DENND1A: variants seen among roughly 807,000 people sequenced by gnomAD.
The protein encoded by DENND1A is DENN domain containing 1A.
DENND1A carries 51 observed loss-of-function variants against 113.7 expected under a neutral mutation model. The observed-to-expected ratio is 0.45, with a 90% CI of 0.36 to 0.57. The LOEUF is 0.57. Ranked by LOEUF, DENND1A falls within the 20% of genes least tolerant of loss-of-function variation. The probability of loss-of-function intolerance (pLI) is 0.00; values close to 1 mark genes in which losing one functional copy is unlikely to be tolerated. For missense variants in DENND1A, 1,258 were observed against 1,395.9 expected, an observed-to-expected ratio of 0.90 and a Z score of 1.57; for synonymous variants, 565 against 570.8, an observed-to-expected ratio of 0.99 and a Z score of 0.14.
intron 19 of DENND1A, among the ~76,000 whole-genome samples, chr9:123,433,248 T>C (rs1033929844): frequency 1.3e-5 from 2 of 152,218 alleles, no homozygotes; most frequent in African/African-American, 2.4e-5. Context: ...CACCAGCTAG[T>C]GAGTGGCACA....
At chr9:123,856,718 C>G (rs1280489500) in intron 2 of DENND1A, among the ~76,000 whole-genome samples, 1 of 151,940 alleles carries the variant, frequency 6.6e-6, no homozygotes, top group Non-Finnish European at 1.5e-5. Flanking sequence ...TGTCAAAGAC[C>G]AAGGTGGATG....
chr9:123,848,922 G>C (rs1273206071), intron 2 of DENND1A, among the ~76,000 whole-genome samples: 2 of 152,182 alleles, frequency 1.3e-5, no homozygotes, highest in African/African-American at 4.8e-5. Context: ...TCAATTCTAT[G>C]AAGGCTGAGA....
intron 2 of DENND1A, among the ~76,000 whole-genome samples, chr9:123,810,549 C>CAAAAAAA (rs1159557273): frequency 5.0e-4 from 23 of 46,314 alleles, no homozygotes; most frequent in Non-Finnish European, 7.7e-4. Flanking sequence ...CATGTCTCTA[C>CAAAAAAA]AAAAAAAAAA....
intron 13 of DENND1A, among the ~76,000 whole-genome samples, chr9:123,505,912 G>A (rs1564617065): frequency 6.6e-6 from 1 of 152,022 alleles, no homozygotes; most frequent in Non-Finnish European, 1.5e-5. Context: ...TTAGACAAGT[G>A]CCCTGTGATC....
chr9:123,804,706 A>G (rs1450136149), intron 2 of DENND1A, among the ~76,000 whole-genome samples: 1 of 152,190 alleles, frequency 6.6e-6, no homozygotes, highest in Non-Finnish European at 1.5e-5. Flanking sequence ...CCCAGAGCCA[A>G]TGTATCAGCC....
At chr9:123,568,532 C>T (rs1422975837) in intron 12 of DENND1A, among the ~76,000 whole-genome samples, 1 of 152,186 alleles carries the variant, frequency 6.6e-6, no homozygotes, top group Non-Finnish European at 1.5e-5. Flanking sequence ...TCTAGGGCAT[C>T]AATTACTGAA....
intron 1 of DENND1A, among the ~76,000 whole-genome samples, chr9:123,912,095 T>C (rs138926648): frequency 6.6e-6 from 1 of 152,298 alleles, no homozygotes; most frequent in East Asian, 1.9e-4. Context: ...TACACGAGTA[T>C]ATAACCATTA....
At chr9:123,509,705 C>T (rs1361060286) in intron 13 of DENND1A, among the ~76,000 whole-genome samples, 1 of 152,218 alleles carries the variant, frequency 6.6e-6, no homozygotes, top group Non-Finnish European at 1.5e-5. Context: ...GACTTTCCTC[C>T]TGAACTGCAA....
At chr9:123,467,518 A>G (rs1314867853) in intron 13 of DENND1A, among the ~76,000 whole-genome samples, 1 of 152,024 alleles carries the variant, frequency 6.6e-6, no homozygotes, top group African/African-American at 2.4e-5. Context: ...AGCCAGGCAT[A>G]TTGGCGGGCG....
intron 19 of DENND1A, among the ~76,000 whole-genome samples, chr9:123,431,669 C>A (rs1205202179): frequency 6.6e-6 from 1 of 152,232 alleles, no homozygotes; most frequent in Admixed American, 6.5e-5. Flanking sequence ...TACAGGTTGG[C>A]TGGAGGGATT....
At chr9:123,729,368 G>T (rs572063175) in intron 5 of DENND1A, among the ~76,000 whole-genome samples, 1 of 152,122 alleles carries the variant, frequency 6.6e-6, no homozygotes, top group Admixed American at 6.5e-5. Context: ...AAATCACATC[G>T]TCTCAGCTCA....
intron 9 of DENND1A, among the ~76,000 whole-genome samples, chr9:123,640,612 T>C (rs2061978323): frequency 6.6e-6 from 1 of 152,254 alleles, no homozygotes; most frequent in Non-Finnish European, 1.5e-5. Flanking sequence ...TCCTTGTTTC[T>C]GAGAGTCAAA....
At chr9:123,702,908 C>T (rs2065965469) in intron 5 of DENND1A, among the ~76,000 whole-genome samples, 1 of 152,166 alleles carries the variant, frequency 6.6e-6, no homozygotes, top group African/African-American at 2.4e-5. Context: ...ACTCTAATGC[C>T]ATAATGGTGG....
intron 3 of DENND1A, among the ~76,000 whole-genome samples, chr9:123,784,903 A>C (rs1291040997): frequency 6.6e-6 from 1 of 152,180 alleles, no homozygotes; most frequent in Non-Finnish European, 1.5e-5. Context: ...AAAATGTCTC[A>C]ATTTTTCAAT....
chr9:123,737,579 A>C (rs1240735274), intron 5 of DENND1A, among the ~76,000 whole-genome samples: 1 of 152,206 alleles, frequency 6.6e-6, no homozygotes, highest in African/African-American at 2.4e-5. Context: ...GAAAAAACGT[A>C]GCAGAAGCTA....
At chr9:123,706,952 A>G (rs2066256583) in intron 5 of DENND1A, among the ~76,000 whole-genome samples, 1 of 152,170 alleles carries the variant, frequency 6.6e-6, no homozygotes, top group Admixed American at 6.5e-5. Flanking sequence ...AAAAATGCCT[A>G]TCAGATAGCC....
chr9:123,860,884 G>A lies in DENND1A; in HGVS notation c.88+18067C>T, dbSNP rs146008466. Among the ~76,000 whole-genome samples, 949 of 152,294 alleles carry A rather than the reference G, an allele frequency of 6.2e-3. 3 individuals carry two copies. The highest frequency in any genetic ancestry group is 8.9e-3 in the Non-Finnish European group (603 of 68,014). The stretch of plus-strand genomic sequence containing the variant: ...GAAATCTCAAGATGGCTATCTTTTC[G>A]TAATTAATGTTTTGTGGAAAACATC... On this transcript the variant is annotated intron_variant, in intron 2 of 23. Transcript: ENST00000394215.
chr9:123,686,897 T>C (rs1222525285), intron 5 of DENND1A, among the ~76,000 whole-genome samples: 1 of 152,196 alleles, frequency 6.6e-6, no homozygotes, highest in Non-Finnish European at 1.5e-5. Context: ...ATAGTACTCA[T>C]TTAAGTTCAT....
At chr9:123,797,585 A>G (rs1438283188) in intron 2 of DENND1A, among the ~76,000 whole-genome samples, 1 of 152,160 alleles carries the variant, frequency 6.6e-6, no homozygotes, top group Non-Finnish European at 1.5e-5. Context: ...TTTCAAGGAC[A>G]CTAGTAAACT....
Sources: allele counts gnomAD v4.1 joint callset (sites outside exome capture counted in the v4.1 genomes callset), GRCh38; gene constraint gnomAD v4.1.1; transcripts MANE v1.5; gene names NCBI Gene and HGNC (gene_info 2026-07-23, HGNC 2026-07-21).